Variants in COL26A1 observed in about 807,000 individuals in gnomAD.
COL26A1 encodes the protein collagen type XXVI alpha 1 chain.
COL26A1 carries 41 observed loss-of-function variants against 59.3 expected under a neutral mutation model. The observed-to-expected ratio is 0.69, with a 90% CI of 0.54 to 0.90. The LOEUF is 0.90. COL26A1 is among the 40% of genes least tolerant of loss of function. COL26A1 has a pLI of 0.00. For synonymous variants in COL26A1, 266 were observed against 256.0 expected, an observed-to-expected ratio of 1.04 and a Z score of -0.37; for missense variants, 612 against 602.3, an observed-to-expected ratio of 1.02 and a Z score of -0.17.
At chr7:101,467,949 G>A (rs1017031018) in intron 3 of COL26A1, among the ~76,000 whole-genome samples, 3 of 152,128 alleles carry the variant, frequency 2.0e-5, no homozygotes, top group Admixed American at 6.6e-5. Flanking sequence ...CTATTGGCAC[G>A]GCTGCCGGCA....
At chr7:101,447,817 G>T in intron 3 of COL26A1, 30 bp downstream of exon 3, 2 of 1,411,268 alleles carry the variant, frequency 1.4e-6, no homozygotes, top group East Asian at 4.8e-5. Context: ...GGCTGCAGGG[G>T]GCCAGGCGTG....
Position 101,459,051 on chromosome 7 carries a change from C to G in COL26A1, c.385+11264C>G, listed in dbSNP as rs185227735. ...TTGGTCTTGAACTCTTGGCCTCAAG[C>G]GATCCTCCCACCTTGGCCTTCCGAA... On this transcript the variant is annotated intron_variant, in intron 3 of 12. Coordinates refer to ENST00000313669, the MANE Select transcript of COL26A1 (RefSeq NM_001278563.3). Among the ~76,000 whole-genome samples the G allele has an allele frequency of 1.8e-3, 271 of 152,228 alleles. 1 individual carries two copies. Among genetic ancestry groups the G allele is most frequent in the Non-Finnish European group, 2.9e-3 (198 of 67,998 alleles).
intron 3 of COL26A1, among the ~76,000 whole-genome samples, chr7:101,477,001 G>T (rs1279093443): frequency 1.3e-5 from 2 of 151,752 alleles, no homozygotes; most frequent in Non-Finnish European, 2.9e-5. Context: ...GCACCACCAC[G>T]CCCGGCTAAG....
chr7:101,425,430 G>A (rs1792621228), intron 2 of COL26A1, among the ~76,000 whole-genome samples: 1 of 152,152 alleles, frequency 6.6e-6, no homozygotes, highest in Admixed American at 6.6e-5. Flanking sequence ...CTGGCTTGCA[G>A]GAGATGAAGC....
intron 3 of COL26A1, among the ~76,000 whole-genome samples, chr7:101,472,639 A>G (rs776541504): frequency 7.9e-5 from 12 of 152,138 alleles, no homozygotes; most frequent in Non-Finnish European, 1.2e-4. Flanking sequence ...CCTCGGGAAA[A>G]TGCCTCCCAG....
chr7:101,479,391 C>T (rs1794111558), intron 3 of COL26A1, among the ~76,000 whole-genome samples: 1 of 152,162 alleles, frequency 6.6e-6, no homozygotes, highest in Middle Eastern at 3.2e-3. Context: ...GATGGTTTAG[C>T]TGGGTATAAA....
chr7:101,443,272 C>T (rs1313449694), intron 2 of COL26A1, among the ~76,000 whole-genome samples: 1 of 152,122 alleles, frequency 6.6e-6, no homozygotes, highest in Non-Finnish European at 1.5e-5. Flanking sequence ...CTGGTCATCT[C>T]CTACCTCCTG....
At chr7:101,367,983 C>A (rs1284561464) in intron 1 of COL26A1, among the ~76,000 whole-genome samples, 2 of 96,816 alleles carry the variant, frequency 2.1e-5, no homozygotes, top group East Asian at 7.0e-4. Context: ...AAGTCTCCTC[C>A]ACTGTCTCCC....
chr7:101,505,037 C>T (rs905716628), intron 3 of COL26A1, among the ~76,000 whole-genome samples: 1 of 152,172 alleles, frequency 6.6e-6, no homozygotes, highest in African/African-American at 2.4e-5. Context: ...CGCCTGTAAT[C>T]CCAGCTATTC....
rs1409421053 is a variant in COL26A1 at position 101,489,756 on chromosome 7, C to G, written c.385+41969C>G. Among the ~76,000 whole-genome samples, 30 of 77,710 alleles carry G rather than the reference C, an allele frequency of 3.9e-4. 9 individuals carry two copies. The highest frequency in any genetic ancestry group is 2.4e-3 in the African/African-American group (25 of 10,488). The allele number at this position is 77,710 out of a possible 152,430, so 51.0% of individuals were successfully genotyped here. A position where few individuals can be genotyped will look rare whatever the true frequency, so the allele number is the denominator to read the frequency against. ...CTCTTTCTCTCTTTCTTTCTTGTCT[C>G]TCTTTCTTTCTTTCTTTCTTTCTTT... On this transcript the variant is annotated intron_variant, in intron 3 of 12. Transcript: ENST00000313669.
Position 101,465,507 on chromosome 7 carries a change from C to G in COL26A1, c.385+17720C>G, listed in dbSNP as rs150753939. Among the ~76,000 whole-genome samples, 1,131 of 152,022 alleles carry G rather than the reference C, an allele frequency of 7.4e-3. 10 individuals are homozygous for G. Among genetic ancestry groups the G allele is most frequent in the African/African-American group, 0.025 (1,047 of 41,466 alleles). On this transcript the variant is annotated intron_variant, in intron 3 of 12. Coordinates refer to ENST00000313669, the MANE Select transcript of COL26A1 (RefSeq NM_001278563.3). ...AGGAGTTCAAGACCAGCCTGGCCAA[C>G]ATGGTGAAACTCTGTCTCTACTAAA...
chr7:101,512,425 C>T (rs1322997360), intron 3 of COL26A1, among the ~76,000 whole-genome samples: 1 of 151,810 alleles, frequency 6.6e-6, no homozygotes, highest in African/African-American at 2.4e-5. Flanking sequence ...TCGAGATGAG[C>T]TTGGGCAACA....
intron 3 of COL26A1, among the ~76,000 whole-genome samples, chr7:101,489,673 C>T (rs1354175103): frequency 0.01 from 452 of 44,300 alleles, 38 homozygotes; most frequent in African/African-American, 0.022. Flanking sequence ...TCCTTCCTTC[C>T]TTCCTTCCTT....
At chr7:101,428,357 CA>C (rs10565419) in intron 2 of COL26A1, among the ~76,000 whole-genome samples, 9,451 of 130,354 alleles carry the variant, frequency 0.073, 358 homozygotes, top group African/African-American at 0.14. Context: ...GACCCTGTCT[CA>C]AAAAAAAAAA....
chr7:101,362,555 G>T (rs1399378134), upstream of COL26A1, among the ~76,000 whole-genome samples: 2 of 152,212 alleles, frequency 1.3e-5, no homozygotes, highest in African/African-American at 4.8e-5. Context: ...GACCATCGAG[G>T]GCAGTGTGGC....
At chr7:101,445,687 C>A (rs1381459492) in intron 2 of COL26A1, among the ~76,000 whole-genome samples, 1 of 129,526 alleles carries the variant, frequency 7.7e-6, no homozygotes, top group African/African-American at 2.9e-5. Context: ...AGCCGAGATC[C>A]CGCCACTGCA....
chr7:101,516,174 T>A (rs556908450), intron 3 of COL26A1, among the ~76,000 whole-genome samples: 1 of 152,344 alleles, frequency 6.6e-6, no homozygotes, highest in African/African-American at 2.4e-5. Flanking sequence ...TTCTAATCTG[T>A]ACGAAGAAAG....
At chr7:101,373,578 G>C (rs1007685412) in intron 1 of COL26A1, among the ~76,000 whole-genome samples, 3 of 152,158 alleles carry the variant, frequency 2.0e-5, no homozygotes, top group Admixed American at 6.5e-5. Flanking sequence ...CACCGAGGCA[G>C]TGCCTCTGCC....
In COL26A1 at chr7:101,399,034, G is replaced by A. The variant is rs146693044; in HGVS notation, c.159-20943G>A. 2.2e-3 allele frequency among the ~76,000 whole-genome samples: 337 copies of A among 152,234 alleles called. 1 individual carries two copies. The highest frequency in any genetic ancestry group is 7.7e-3 in the South Asian group (37 of 4,830). On this transcript the variant is annotated intron_variant, in intron 1 of 12. Transcript: ENST00000313669. The stretch of plus-strand genomic sequence containing the variant: ...ATCAAGATGAGAGACACTAGGCGTG[G>A]TGGCTCATACCTGTAATCCCAGCAC...
Sources: allele counts gnomAD v4.1 joint callset (sites outside exome capture counted in the v4.1 genomes callset), GRCh38; gene constraint gnomAD v4.1.1; transcripts MANE v1.5; gene names NCBI Gene and HGNC (gene_info 2026-07-23, HGNC 2026-07-21).